PDE4D: variants seen among roughly 807,000 people sequenced by gnomAD.
The protein encoded by PDE4D is 3',5'-cyclic-AMP phosphodiesterase 4D.
Under a neutral mutation model 87.4 loss-of-function variants are expected in PDE4D, and 24 were observed. That is an observed-to-expected ratio of 0.27 (90% CI 0.20 to 0.39). The LOEUF (loss-of-function observed/expected upper bound fraction) is 0.39. Ranked by LOEUF, PDE4D falls within the 10% of genes least tolerant of loss-of-function variation. The pLI is 1.00. For missense variants in PDE4D, 714 were observed against 1,041.0 expected (o/e 0.69, Z 4.32); for synonymous variants, 384 against 383.2 (o/e 1.00, Z -0.02).
intron 1 of PDE4D, among the ~76,000 whole-genome samples, chr5:59,353,109 C>T (rs2153587920): frequency 6.6e-6 from 1 of 152,258 alleles, no homozygotes; most frequent in East Asian, 1.9e-4. Flanking sequence ...TTACATAGTA[C>T]CTACCCCAAA....
chr5:59,218,360 T>G (rs1751725375), intron 1 of PDE4D, among the ~76,000 whole-genome samples: 1 of 152,164 alleles, frequency 6.6e-6, no homozygotes, highest in South Asian at 2.1e-4. Context: ...AAATCAGTAA[T>G]TTTTTCTTTA....
Position 60,371,330 on chromosome 5 carries a change from G to A in PDE4D, c.-90+116612C>T, listed in dbSNP as rs564355068. On this transcript the variant is annotated intron_variant, in intron 1 of 16. Transcript: ENST00000502484. ...TTGTCACAGCAAGATGCTGCTCCCC[G>A]TTCAGTCCGCCATGTGGTGATTCTC... Among the ~76,000 whole-genome samples, 10 of 152,238 alleles carry A rather than the reference G, an allele frequency of 6.6e-5. No individual in the cohort carries two copies. In the South Asian group the frequency reaches 1.7e-3, roughly 25 times the overall value.
At chr5:59,568,898 T>A (rs1296445581) in intron 1 of PDE4D, among the ~76,000 whole-genome samples, 1 of 152,136 alleles carries the variant, frequency 6.6e-6, no homozygotes, top group Non-Finnish European at 1.5e-5. Flanking sequence ...GGACTTTAAA[T>A]AATAATAATG....
At chr5:60,062,170 A>T (rs559032037) in intron 2 of PDE4D, among the ~76,000 whole-genome samples, 1 of 152,178 alleles carries the variant, frequency 6.6e-6, no homozygotes, top group East Asian at 1.9e-4. Context: ...CATCTGACAA[A>T]GGGCTACCAT....
intron 2 of PDE4D, among the ~76,000 whole-genome samples, chr5:60,057,566 C>T (rs1770915104): frequency 6.6e-6 from 1 of 151,916 alleles, no homozygotes; most frequent in South Asian, 2.1e-4. Flanking sequence ...AACTGTATTG[C>T]TCTTATTTTT....
intron 1 of PDE4D, among the ~76,000 whole-genome samples, chr5:59,592,456 G>GA (rs1323784353): frequency 6.6e-5 from 10 of 151,980 alleles, no homozygotes; most frequent in Admixed American, 6.6e-4. Flanking sequence ...AATTAGAAAA[G>GA]AAAAAATAAA....
At chr5:60,185,745 A>C in intron 1 of PDE4D, 1 of 557,394 alleles carries the variant, frequency 1.8e-6, no homozygotes, top group Non-Finnish European at 3.3e-6. Flanking sequence ...TGCACTTTGA[A>C]ATGCTGTCTT....
chr5:59,460,320 T>G (rs555264611), intron 1 of PDE4D, among the ~76,000 whole-genome samples: 1 of 152,268 alleles, frequency 6.6e-6, no homozygotes, highest in Non-Finnish European at 1.5e-5. Context: ...ATTATGCTAA[T>G]TAAAAAGATT....
intron 1 of PDE4D, among the ~76,000 whole-genome samples, chr5:59,652,078 A>G (rs1189075065): frequency 6.6e-6 from 1 of 152,202 alleles, no homozygotes; most frequent in Non-Finnish European, 1.5e-5. Flanking sequence ...GCCTTCCTCA[A>G]GACTGCATTG....
At chr5:59,540,266 C>A (rs1816078462) in intron 1 of PDE4D, among the ~76,000 whole-genome samples, 1 of 151,674 alleles carries the variant, frequency 6.6e-6, no homozygotes, top group African/African-American at 2.4e-5. Flanking sequence ...TTTTTTGGTA[C>A]CAATATCTAA....
At chr5:59,850,076 T>G (rs892873691) in intron 1 of PDE4D, among the ~76,000 whole-genome samples, 1 of 152,066 alleles carries the variant, frequency 6.6e-6, no homozygotes, top group African/African-American at 2.4e-5. Context: ...AGCCAGCAGT[T>G]TGACATATCC....
Position 58,971,849 on chromosome 5 carries a change from T to C in PDE4D, c.*2815A>G, listed in dbSNP as rs1173213583. On this transcript the variant is annotated 3_prime_UTR_variant, in exon 15 of 15. Coordinates refer to ENST00000340635, the MANE Select transcript of PDE4D (RefSeq NM_001104631.2). ...TCTTTTATTCTTTTTTAAAGCAGTA[T>C]ATATTTCTGAAGCACACTTTGGCAA... 6.6e-6 allele frequency: 1 copy of C among 152,590 alleles called. No individual in the cohort carries two copies. Among genetic ancestry groups the C allele is most frequent in the Non-Finnish European group, 1.5e-5 (1 of 68,028 alleles). 9.5% of individuals were successfully genotyped at this position (152,590 alleles called of 1,614,324 possible). A position where few individuals can be genotyped will look rare whatever the true frequency, so the allele number is the denominator to read the frequency against.
chr5:59,174,417 A>G (rs1233191597), intron 5 of PDE4D: 1 of 152,644 alleles, frequency 6.6e-6, no homozygotes, highest in Non-Finnish European at 1.5e-5. Context: ...TTGTCACTGC[A>G]TCATGTGTCT....
At chr5:59,759,163 A>T (rs1761657936) in intron 1 of PDE4D, among the ~76,000 whole-genome samples, 1 of 152,204 alleles carries the variant, frequency 6.6e-6, no homozygotes, top group Non-Finnish European at 1.5e-5. Flanking sequence ...AGAAAAAAAA[A>T]GTGCTGAAAC....
At chr5:59,781,784 CAAAAAAAAAAA>C (rs58613622) in intron 1 of PDE4D, among the ~76,000 whole-genome samples, 18 of 39,898 alleles carry the variant, frequency 4.5e-4, no homozygotes, top group South Asian at 1.6e-3. Context: ...CACTCCATCT[CAAAAAAAAAAA>C]AAAAAAAAAA....
chr5:60,342,452 T>A (rs578026072), intron 1 of PDE4D, among the ~76,000 whole-genome samples: 31 of 152,284 alleles, frequency 2.0e-4, no homozygotes, highest in Middle Eastern at 3.4e-3. Context: ...GAAGCACCTG[T>A]CTCATAGGGT....
At chr5:60,266,942 C>T (rs999284210) in intron 1 of PDE4D, among the ~76,000 whole-genome samples, 1 of 152,154 alleles carries the variant, frequency 6.6e-6, no homozygotes, top group African/African-American at 2.4e-5. Flanking sequence ...GAAAAGTGCA[C>T]GTGTATTATC....
At chr5:59,053,789 C>T (rs1284274764) in intron 5 of PDE4D, among the ~76,000 whole-genome samples, 1 of 151,208 alleles carries the variant, frequency 6.6e-6, no homozygotes, top group Non-Finnish European at 1.5e-5. Context: ...AACCCCATCT[C>T]TACTAAATCT....
intron 2 of PDE4D, among the ~76,000 whole-genome samples, chr5:60,009,315 C>T (rs1764787010): frequency 6.6e-6 from 1 of 151,992 alleles, no homozygotes; most frequent in Non-Finnish European, 1.5e-5. Context: ...CATCACTTTC[C>T]TTTCTAAAGG....
Sources: allele counts gnomAD v4.1 joint callset (sites outside exome capture counted in the v4.1 genomes callset), GRCh38; gene constraint gnomAD v4.1.1; transcripts MANE v1.5; gene names NCBI Gene and HGNC (gene_info 2026-07-23, HGNC 2026-07-21).